The following PMFBP1 variants were observed in gnomAD, a reference collection of about 807,000 sequenced individuals.
PMFBP1 encodes polyamine modulated factor 1 binding protein 1, also known as polyamine-modulated factor 1-binding protein 1.
Under a neutral mutation model 137.8 loss-of-function variants are expected in PMFBP1, and 131 were observed. That is an observed-to-expected ratio of 0.95 (90% CI 0.82 to 1.10). The LOEUF is 1.10. Ranked by LOEUF, PMFBP1 falls within the 50% of genes least tolerant of loss-of-function variation. The probability of loss-of-function intolerance (pLI) is 0.00; values close to 1 mark genes in which losing one functional copy is unlikely to be tolerated. For missense variants in PMFBP1, 1,199 were observed against 1,175.4 expected, an observed-to-expected ratio of 1.02 and a Z score of -0.29; for synonymous variants, 490 against 450.4, an observed-to-expected ratio of 1.09 and a Z score of -1.11.
At position 72,171,274 on chromosome 16, in the gene PMFBP1, AAAGTCC is replaced by A; in HGVS notation, c.-60-12_-60-7del. 1 of 1,547,986 alleles carries A rather than the reference AAAGTCC, an allele frequency of 6.5e-7. No individual in the cohort carries two copies. The highest frequency in any genetic ancestry group is 1.1e-5 in the South Asian group (1 of 89,522). ...TTCTGAGCTTTGTTATAAACCTGAA[AAAGTCC>A]AAGTATTTAAGATGGAAAAAGTATA... On this transcript the variant is annotated splice_polypyrimidine_tract_variant and splice_region_variant and intron_variant, in intron 1 of 20. Coordinates refer to ENST00000237353, the MANE Select transcript of PMFBP1 (RefSeq NM_031293.3).
At chr16:72,161,749 T>TA (rs1640711846) in intron 3 of PMFBP1, among the ~76,000 whole-genome samples, 1 of 152,112 alleles carries the variant, frequency 6.6e-6, no homozygotes, top group African/African-American at 2.4e-5. Context: ...ATTTCACCAG[T>TA]TTTTCCACTA....
the PMFBP1 span, among the ~76,000 whole-genome samples, chr16:72,228,364 TTA>T: frequency 1.3e-5 from 2 of 152,204 alleles, no homozygotes; most frequent in Non-Finnish European, 1.5e-5. Flanking sequence ...TACGATTTTG[TTA>T]TGTTGTTGCT....
chr16:72,172,795 C>G (rs962557781), upstream of PMFBP1, among the ~76,000 whole-genome samples: 20 of 152,018 alleles, frequency 1.3e-4, no homozygotes, highest in Non-Finnish European at 2.6e-4. Context: ...AGGTGCATAA[C>G]TTAATTAAAA....
rs546177142 is a variant in PMFBP1 at position 72,141,217 on chromosome 16, A to G, written c.637-635T>C. On this transcript the variant is annotated intron_variant, in intron 5 of 20. Transcript: ENST00000237353. ...CTCCCAAAGTGCTGGGATTACAGGCATGAGCTACCACATCCGGTGGACAAA... is the reference window on the plus strand; with the variant it reads ...CTCCCAAAGTGCTGGGATTACAGGCGTGAGCTACCACATCCGGTGGACAAA... Among the ~76,000 whole-genome samples the G allele has an allele frequency of 1.3e-4, 20 of 152,296 alleles. No individual in the cohort carries two copies. The South Asian group carries it at 4.1e-3, about 32-fold the overall frequency.
chr16:72,125,764 GTCCTCTTCCTCCGCCC>G (rs1348243143), intron 15 of PMFBP1, among the ~76,000 whole-genome samples, 188 bp downstream of exon 15: 1 of 152,138 alleles, frequency 6.6e-6, no homozygotes, highest in African/African-American at 2.4e-5. Context: ...TTTGATCTTT[GTCCTCTTCCTCCGCCC>G]TCCACCCAAC....
the PMFBP1 span, among the ~76,000 whole-genome samples, chr16:72,228,867 T>C: frequency 6.6e-6 from 1 of 151,422 alleles, no homozygotes; most frequent in Non-Finnish European, 1.5e-5. Flanking sequence ...TTTCCAACTT[T>C]ATTTTAGGTT....
Position 72,124,762 on chromosome 16 carries a change from C to A in PMFBP1, c.2589+5G>T, listed in dbSNP as rs776008574. ...GGAGGCACGCAGAAGCCAAGGCATG[C>A]CCACCTCCTTATCGTCCTCAAGGAG... On this transcript the variant is annotated splice_donor_5th_base_variant and intron_variant, in intron 17 of 20. Transcript: ENST00000237353. 1 of 1,612,472 alleles carries A rather than the reference C, an allele frequency of 6.2e-7. No individual in the cohort carries two copies. The highest frequency in any genetic ancestry group is 8.5e-7 in the Non-Finnish European group (1 of 1,179,092).
intron 3 of PMFBP1, chr16:72,164,262 C>T (rs964295145): frequency 2.0e-6 from 1 of 506,352 alleles, no homozygotes; most frequent in Non-Finnish European, 3.4e-6. Flanking sequence ...CTCTTGAGAA[C>T]CTGAGCTTGT....
At chr16:72,127,771 C>G (rs1697640546) in intron 14 of PMFBP1, among the ~76,000 whole-genome samples, 1 of 152,226 alleles carries the variant, frequency 6.6e-6, no homozygotes, top group African/African-American at 2.4e-5. Context: ...CACTTTCTCT[C>G]ACATTCATTC....
At chr16:72,249,154 G>C in the PMFBP1 span, among the ~76,000 whole-genome samples, 1 of 152,068 alleles carries the variant, frequency 6.6e-6, no homozygotes, top group African/African-American at 2.4e-5. Flanking sequence ...GATTAGATAT[G>C]TGGTTTACCT....
At chr16:72,225,271 T>C in the PMFBP1 span, 4 of 152,208 alleles carry the variant, frequency 2.6e-5, no homozygotes, top group Non-Finnish European at 5.9e-5. Flanking sequence ...ACACCCCAAA[T>C]GATGCACAGA....
the PMFBP1 span, among the ~76,000 whole-genome samples, chr16:72,184,036 CCTT>C: frequency 2.0e-5 from 3 of 152,240 alleles, no homozygotes; most frequent in East Asian, 3.9e-4. Flanking sequence ...AGCACTTTCT[CCTT>C]CTAGAAATGC....
chr16:72,126,085 G>C lies in PMFBP1; in HGVS notation c.2136C>G (p.Asp712Glu). The C allele has an allele frequency of 6.2e-7, 1 of 1,614,158 alleles. No homozygotes were observed. The highest frequency in any genetic ancestry group is 2.2e-5 in the East Asian group (1 of 44,888). Reference sequence around the variant, plus strand: ...AGTGCTTCTCCTTCTGCAGAGCTTTGTCCAGCTGGGCCTGCAGGCTCATTA... The same window carrying C: ...AGTGCTTCTCCTTCTGCAGAGCTTTCTCCAGCTGGGCCTGCAGGCTCATTA... Reference protein sequence around the residue: ...ESLMSLQAQLDKALQKEKHYL... With the variant: ...ESLMSLQAQLEKALQKEKHYL... Residue 712 changes from aspartate to glutamate, a missense_variant, in exon 15 of 21, where the codon GAC (aspartate) becomes GAG (glutamate). Physicochemically the swap from Asp to Glu is conservative, Grantham distance 45. Transcript: ENST00000237353.
At chr16:72,130,506 T>A (rs1218517999) in intron 11 of PMFBP1, 27 bp downstream of exon 11, 1 of 1,613,148 alleles carries the variant, frequency 6.2e-7, no homozygotes, top group Non-Finnish European at 8.5e-7. Flanking sequence ...AGAACCTCTC[T>A]CTGGAGGGGA....
chr16:72,244,851 G>C, the PMFBP1 span, among the ~76,000 whole-genome samples: 1 of 152,156 alleles, frequency 6.6e-6, no homozygotes, highest in Non-Finnish European at 1.5e-5. Flanking sequence ...AGAATGGAAG[G>C]GGTTAAAAAA....
At chr16:72,140,189 T>C (rs1427185726) in intron 6 of PMFBP1, among the ~76,000 whole-genome samples, 1 of 152,182 alleles carries the variant, frequency 6.6e-6, no homozygotes, top group Non-Finnish European at 1.5e-5. Flanking sequence ...GGCAGTTAGG[T>C]TGTTGTGTGA....
chr16:72,140,385 A>C, intron 6 of PMFBP1, 27 bp downstream of exon 6: 1 of 1,590,754 alleles, frequency 6.3e-7, no homozygotes, highest in South Asian at 1.1e-5. Context: ...GGTCTCCCAG[A>C]GACATGTTCT....
Position 72,140,928 on chromosome 16 carries a change from C to CTTTTTTTTT in PMFBP1, c.637-355_637-347dup. ...CACTTTTTTTCTTACACAAATGAGT[C>CTTTTTTTTT]TTTTTTTTTTTTTTTTTTTTTTTTG... On this transcript the variant is annotated intron_variant, in intron 5 of 20. Transcript: ENST00000237353. Among the ~76,000 whole-genome samples, 238 of 69,802 alleles carry CTTTTTTTTT rather than the reference C, an allele frequency of 3.4e-3. 23 individuals are homozygous for CTTTTTTTTT. Among genetic ancestry groups the CTTTTTTTTT allele is most frequent in the South Asian group, 4.4e-3 (7 of 1,600 alleles). The allele number at this position is 69,802 out of a possible 152,430, so 45.8% of individuals were successfully genotyped here.
At chr16:72,187,193 A>G in the PMFBP1 span, among the ~76,000 whole-genome samples, 4 of 152,336 alleles carry the variant, frequency 2.6e-5, no homozygotes, top group East Asian at 7.7e-4. Context: ...TTTACTAAAT[A>G]AAGATTGATA....
Sources: gnomAD v4.1 joint callset for allele counts (sites outside exome capture counted in the v4.1 genomes callset) on GRCh38, gnomAD v4.1.1 for gene constraint, MANE v1.5 for transcripts, NCBI Gene and HGNC (gene_info 2026-07-23, HGNC 2026-07-21) for gene names.